ABCC1: variants seen among roughly 807,000 people sequenced by gnomAD.
The protein encoded by ABCC1 is ATP binding cassette subfamily C member 1 (ABCC1 blood group).
A neutral mutation model predicts 172.9 loss-of-function variants in ABCC1; 83 were observed. The observed-to-expected ratio is 0.48, with a 90% CI of 0.40 to 0.58. The LOEUF is 0.58. Ranked by LOEUF, ABCC1 falls within the 20% of genes least tolerant of loss-of-function variation. The probability of loss-of-function intolerance (pLI) is 0.00; values close to 1 mark genes in which losing one functional copy is unlikely to be tolerated. For missense variants in ABCC1, 1,817 were observed against 2,002.7 expected (o/e 0.91, Z 1.77); for synonymous variants, 937 against 825.2 (o/e 1.14, Z -2.32).
chr16:16,013,127 C>G (rs2047855784), intron 3 of ABCC1, among the ~76,000 whole-genome samples: 1 of 152,134 alleles, frequency 6.6e-6, no homozygotes, highest in African/African-American at 2.4e-5. Context: ...GATCCTCAGC[C>G]TCTCTTTATC....
Position 16,090,493 on chromosome 16 carries a change from GCTC to G in ABCC1, c.2552_2554del (p.Ser851del). The G allele has an allele frequency of 6.2e-7, 1 of 1,613,896 alleles. No homozygotes were observed. The highest frequency in any genetic ancestry group is 8.5e-7 in the Non-Finnish European group (1 of 1,179,968). On this transcript the variant is annotated inframe_deletion, in exon 19 of 31. Coordinates refer to ENST00000399410, the MANE Select transcript of ABCC1 (RefSeq NM_004996.4). ...AGTGGCGGCAAGATCTCTGAGATGG[GCTC>G]CTACCAGGAGCTGCTGGCTCGAGAC...
At chr16:16,026,901 A>C (rs575079178) in intron 5 of ABCC1, among the ~76,000 whole-genome samples, 1 of 152,140 alleles carries the variant, frequency 6.6e-6, no homozygotes. Flanking sequence ...TGGGCGACAG[A>C]GTGAGACTCA....
intron 21 of ABCC1, among the ~76,000 whole-genome samples, chr16:16,107,581 G>C (rs182822611): frequency 6.6e-6 from 1 of 152,110 alleles, no homozygotes; most frequent in Non-Finnish European, 1.5e-5. Context: ...TGAGCACCGC[G>C]TCCTGCCTGT....
chr16:16,055,475 G>A (rs2049608415), intron 11 of ABCC1, among the ~76,000 whole-genome samples: 1 of 151,756 alleles, frequency 6.6e-6, no homozygotes, highest in East Asian at 1.9e-4. Flanking sequence ...TCTTTAACCC[G>A]GGAGGCAGAG....
intron 23 of ABCC1, among the ~76,000 whole-genome samples, chr16:16,118,905 A>G (rs980457369): frequency 1.7e-4 from 23 of 138,102 alleles, no homozygotes; most frequent in Middle Eastern, 3.6e-3. Flanking sequence ...AAAAAAAAAA[A>G]GAGCAAAGGC....
intron 5 of ABCC1, among the ~76,000 whole-genome samples, chr16:16,017,440 A>G (rs1318091084): frequency 6.6e-6 from 1 of 152,014 alleles, no homozygotes; most frequent in Non-Finnish European, 1.5e-5. Context: ...TCCAGGGTAT[A>G]GGTACAGGAT....
At chr16:16,131,669 G>GT in intron 26 of ABCC1, 120 bp from the exon 27 acceptor site, 1 of 1,140,242 alleles carries the variant, frequency 8.8e-7, no homozygotes, top group Admixed American at 2.6e-5. Context: ...CAACCCCCCA[G>GT]TGCTGAGGCC....
At chr16:16,047,749 G>C (rs1345847825) in intron 9 of ABCC1, among the ~76,000 whole-genome samples, 1 of 151,996 alleles carries the variant, frequency 6.6e-6, no homozygotes, top group Non-Finnish European at 1.5e-5. Context: ...CAGTAGCACT[G>C]ACACAGCCTG....
intron 1 of ABCC1, among the ~76,000 whole-genome samples, chr16:15,964,924 A>T (rs1235725438): frequency 3.3e-5 from 5 of 152,158 alleles, no homozygotes; most frequent in Admixed American, 3.3e-4. Context: ...CTTTTTGGGT[A>T]TGCCTGGACT....
chr16:16,030,030 C>T (rs1473552170), intron 5 of ABCC1, among the ~76,000 whole-genome samples: 1 of 152,100 alleles, frequency 6.6e-6, no homozygotes, highest in Non-Finnish European at 1.5e-5. Flanking sequence ...GATCACTGAT[C>T]ACTCTGTGGT....
chr16:16,141,730 C>CAT lies in ABCC1; in HGVS notation c.*449_*450insAT, dbSNP rs2046133495. On this transcript the variant is annotated 3_prime_UTR_variant, in exon 31 of 31. Transcript: ENST00000399410. Reference sequence around the variant, plus strand: ...TTTGAGATGCTTCTGGCTCCCATCACCTCTAACATCCTTGTCTGGGTCTAC... The same window carrying CAT: ...TTTGAGATGCTTCTGGCTCCCATCACATCTCTAACATCCTTGTCTGGGTCTAC... 1 of 168,690 alleles carries CAT rather than the reference C, an allele frequency of 5.9e-6. No homozygotes were observed. The highest frequency in any genetic ancestry group is 1.3e-5 in the Non-Finnish European group (1 of 78,726). 10.4% of individuals were successfully genotyped at this position (168,690 alleles called of 1,614,324 possible).
chr16:16,102,371 T>A (rs1345449289), intron 19 of ABCC1, among the ~76,000 whole-genome samples: 2 of 152,232 alleles, frequency 1.3e-5, no homozygotes, highest in Admixed American at 1.3e-4. Context: ...TCAGGCCCAG[T>A]GCCCTCAGTG....
rs182030770 is a variant in ABCC1, at chr16:16,021,635, T to A, written c.615+5014T>A. 2.3e-3 allele frequency among the ~76,000 whole-genome samples: 352 copies of A among 152,270 alleles called. 2 individuals are homozygous for A. The highest frequency in any genetic ancestry group is 8.2e-3 in the African/African-American group (340 of 41,550). On this transcript the variant is annotated intron_variant, in intron 5 of 30. Coordinates refer to ENST00000399410, the MANE Select transcript of ABCC1 (RefSeq NM_004996.4). ...AGGAGGCAGAGGCAGGAGAATTGCT[T>A]GTGCCCGGGAGGCGGAGGTTGCAGT...
chr16:16,052,661 G>A (rs1237995324), intron 10 of ABCC1, 63 bp from the exon 11 acceptor site: 4 of 1,523,390 alleles, frequency 2.6e-6, no homozygotes, highest in Non-Finnish European at 3.6e-6. Context: ...AACCGGGGAA[G>A]CTGTTACGGG....
intron 5 of ABCC1, among the ~76,000 whole-genome samples, chr16:16,025,885 C>T (rs1474581455): frequency 6.6e-6 from 1 of 152,184 alleles, no homozygotes; most frequent in Non-Finnish European, 1.5e-5. Context: ...TCACAAGCTG[C>T]TTTCATGCTA....
intron 5 of ABCC1, among the ~76,000 whole-genome samples, chr16:16,026,954 TGTCA>T (rs1399903351): frequency 6.6e-6 from 1 of 152,098 alleles, no homozygotes; most frequent in African/African-American, 2.4e-5. Flanking sequence ...GTGTTCTGTC[TGTCA>T]ATGTCCTTGT....
At chr16:15,976,918 A>C (rs2046508557) in intron 1 of ABCC1, among the ~76,000 whole-genome samples, 1 of 152,188 alleles carries the variant, frequency 6.6e-6, no homozygotes, top group Non-Finnish European at 1.5e-5. Flanking sequence ...ACTCGAGCCC[A>C]GATCTGCTGC....
At chr16:16,129,009 CAAA>C (rs1009870155) in intron 26 of ABCC1, among the ~76,000 whole-genome samples, 3 of 152,052 alleles carry the variant, frequency 2.0e-5, no homozygotes, top group Non-Finnish European at 2.9e-5. Context: ...AACAAAAAAA[CAAA>C]GAAGTTTATG....
At chr16:15,996,219 A>G (rs1010708095) in intron 1 of ABCC1, among the ~76,000 whole-genome samples, 2 of 151,858 alleles carry the variant, frequency 1.3e-5, no homozygotes, top group Admixed American at 6.6e-5. Flanking sequence ...TCCTGACCTC[A>G]TGATCCGCCC....
Sources: gnomAD v4.1 joint callset for allele counts (sites outside exome capture counted in the v4.1 genomes callset) on GRCh38, gnomAD v4.1.1 for gene constraint, MANE v1.5 for transcripts, NCBI Gene and HGNC (gene_info 2026-07-23, HGNC 2026-07-21) for gene names.